The following CSGALNACT1 variants were observed in gnomAD, a reference collection of about 807,000 sequenced individuals.
CSGALNACT1 encodes the protein beta4GalNAcT-1.
In CSGALNACT1, 52 loss-of-function variants were observed where a neutral mutation model predicts 51.0. The ratio of observed to expected loss-of-function variants is 1.02; its 90% CI spans 0.82 to 1.29. CSGALNACT1 has a LOEUF of 1.29. CSGALNACT1 is among the 50% of genes most tolerant of loss of function. The probability of loss-of-function intolerance (pLI) is 0.00; values close to 1 mark genes in which losing one functional copy is unlikely to be tolerated. For synonymous variants in CSGALNACT1, 341 were observed against 254.4 expected (o/e 1.34, Z -3.24); for missense variants, 935 against 679.2 (o/e 1.38, Z -4.19).
chr8:19,738,943 A>G (rs1589770744), intron 1 of CSGALNACT1, among the ~76,000 whole-genome samples: 2 of 152,318 alleles, frequency 1.3e-5, no homozygotes, highest in East Asian at 1.9e-4. Flanking sequence ...TTCAGAGACT[A>G]AACAATCAAA....
At chr8:19,420,461 T>G in exon 7 of CSGALNACT1, 1 of 1,614,180 alleles carries the variant, frequency 6.2e-7, no homozygotes, top group Non-Finnish European at 8.5e-7. Context: ...CAAGTCCCTT[T>G]CCCCGAGAAA....
intron 1 of CSGALNACT1, among the ~76,000 whole-genome samples, chr8:19,696,372 G>C (rs1347159416): frequency 6.6e-6 from 1 of 152,178 alleles, no homozygotes; most frequent in African/African-American, 2.4e-5. Context: ...AGGGATATAA[G>C]CATGAATTAA....
chr8:19,407,107 T>C (rs140108949), intron 9 of CSGALNACT1, among the ~76,000 whole-genome samples: 1 of 152,322 alleles, frequency 6.6e-6, no homozygotes, highest in East Asian at 1.9e-4. Context: ...CTGTTAGTTG[T>C]TGAGTGTCTG....
chr8:19,489,213 C>G (rs1056594281), intron 4 of CSGALNACT1, among the ~76,000 whole-genome samples: 7 of 152,010 alleles, frequency 4.6e-5, no homozygotes, highest in South Asian at 2.1e-4. Context: ...ACAGAAATAC[C>G]AAACCTACAA....
chr8:19,527,410 G>A (rs1477124999), intron 3 of CSGALNACT1, among the ~76,000 whole-genome samples: 2 of 152,216 alleles, frequency 1.3e-5, no homozygotes, highest in Non-Finnish European at 1.5e-5. Context: ...AGACCAGCCA[G>A]GCCAATATGG....
chr8:19,430,499 T>C (rs74999423), intron 6 of CSGALNACT1, among the ~76,000 whole-genome samples: 2,245 of 152,282 alleles, frequency 0.015, 51 homozygotes, highest in African/African-American at 0.051. Flanking sequence ...TCTGGTACCC[T>C]TGTTAAAAAT....
intron 9 of CSGALNACT1, 69 bp downstream of exon 8, chr8:19,408,544 C>T (rs554784411): frequency 2.9e-4 from 274 of 942,196 alleles, no homozygotes; most frequent in Middle Eastern, 5.7e-4. Context: ...GGAAACCCTA[C>T]TTGATTCCTT....
intron 1 of CSGALNACT1, among the ~76,000 whole-genome samples, chr8:19,614,016 G>C (rs945552476): frequency 2.2e-4 from 34 of 152,298 alleles, no homozygotes; most frequent in Middle Eastern, 6.8e-3. Flanking sequence ...AAAATGCCGT[G>C]TCAAAGTTAA....
chr8:19,629,129 C>T (rs927617190), intron 1 of CSGALNACT1, among the ~76,000 whole-genome samples: 4 of 152,072 alleles, frequency 2.6e-5, no homozygotes, highest in African/African-American at 9.7e-5. Context: ...AGTTTAATTG[C>T]CACCTTCTGT....
At chr8:19,404,623 T>TA (rs34647465) in exon 10 of CSGALNACT1, 254,067 of 412,306 alleles carry the variant, frequency 0.62, 76,312 homozygotes, top group East Asian at 0.86. Flanking sequence ...TATATATATA[T>TA]TTTTTTCTCC....
At chr8:19,618,629 CAAAAAAAAAAAAAA>C (rs60787326) in intron 1 of CSGALNACT1, among the ~76,000 whole-genome samples, 7 of 64,048 alleles carry the variant, frequency 1.1e-4, no homozygotes, top group Admixed American at 7.6e-4. Context: ...AATACTCCAT[CAAAAAAAAAAAAAA>C]AAAAAAAAAA....
intron 3 of CSGALNACT1, among the ~76,000 whole-genome samples, chr8:19,527,453 T>C (rs1175406242): frequency 3.3e-5 from 5 of 151,472 alleles, no homozygotes; most frequent in Non-Finnish European, 2.9e-5. Context: ...CTCCTAAAAA[T>C]AGAAAAATTA....
intron 3 of CSGALNACT1, among the ~76,000 whole-genome samples, chr8:19,576,856 A>G (rs2044338172): frequency 6.6e-6 from 1 of 151,962 alleles, no homozygotes; most frequent in African/African-American, 2.4e-5. Flanking sequence ...TTTCCTGTGC[A>G]ACTGGTTATA....
upstream of CSGALNACT1, among the ~76,000 whole-genome samples, chr8:19,686,148 C>G (rs376067884): frequency 1.1e-3 from 170 of 152,224 alleles, 3 homozygotes; most frequent in South Asian, 0.035. Context: ...CTTCAGGGTT[C>G]TGCTTTGCTC....
chr8:19,736,176 C>A (rs1438367877), intron 1 of CSGALNACT1, among the ~76,000 whole-genome samples: 1 of 152,212 alleles, frequency 6.6e-6, no homozygotes, highest in African/African-American at 2.4e-5. Flanking sequence ...TTCATCCCAA[C>A]ACAAAGCAGA....
chr8:19,691,629 G>T (rs917781867), intron 1 of CSGALNACT1, among the ~76,000 whole-genome samples: 1 of 152,196 alleles, frequency 6.6e-6, no homozygotes, highest in Admixed American at 6.5e-5. Flanking sequence ...CGGCCTAGGG[G>T]ACATCGACAG....
At chr8:19,453,422 A>G (rs1356243830) in intron 5 of CSGALNACT1, among the ~76,000 whole-genome samples, 1 of 152,224 alleles carries the variant, frequency 6.6e-6, no homozygotes, top group African/African-American at 2.4e-5. Context: ...GTAAAAGCAG[A>G]TAAAAGACTA....
Position 19,636,660 on chromosome 8 carries a change from C to T in CSGALNACT1, c.-543-34795G>A, listed in dbSNP as rs2056105923. On this transcript the variant is annotated intron_variant, in intron 1 of 9. Transcript: ENST00000332246. ...CACCAGTAAAACTACCCTGGTGTCA[C>T]ATACAGTCGGTAGTGCTGTCCCCAA... Among the ~76,000 whole-genome samples the T allele has an allele frequency of 2.0e-5, 3 of 152,318 alleles. No individual in the cohort carries two copies. The South Asian group carries it at 6.2e-4, about 32-fold the overall frequency.
At chr8:19,555,006 G>A (rs1188490177) in intron 3 of CSGALNACT1, among the ~76,000 whole-genome samples, 1 of 151,398 alleles carries the variant, frequency 6.6e-6, no homozygotes, top group Non-Finnish European at 1.5e-5. Context: ...TAGGGACGCC[G>A]AGCGGGGGTG....
Sources: allele counts gnomAD v4.1 joint callset (sites outside exome capture counted in the v4.1 genomes callset), GRCh38; gene constraint gnomAD v4.1.1; transcripts MANE v1.5; gene names NCBI Gene and HGNC (gene_info 2026-07-23, HGNC 2026-07-21).